Variants in TGIF1 observed in about 807,000 individuals in gnomAD.
The protein encoded by TGIF1 is homeobox protein TGIF1.
Under a neutral mutation model 19.3 loss-of-function variants are expected in TGIF1, and 4 were observed. That is an observed-to-expected ratio of 0.21 (90% CI 0.10 to 0.47). The LOEUF is 0.47. Ranked by LOEUF, TGIF1 falls within the 20% of genes least tolerant of loss-of-function variation. The probability of loss-of-function intolerance (pLI) is 0.98; values close to 1 mark genes in which losing one functional copy is unlikely to be tolerated. For missense variants in TGIF1, 275 were observed against 341.4 expected (o/e 0.81, Z 1.53); for synonymous variants, 122 against 129.3 (o/e 0.94, Z 0.38).
chr18:3,453,009 G>A (rs1242188034), intron 1 of TGIF1, among the ~76,000 whole-genome samples: 3 of 152,146 alleles, frequency 2.0e-5, no homozygotes, highest in African/African-American at 7.2e-5. Flanking sequence ...TTCCTGCTTT[G>A]GGATTGCTCT....
chr18:3,450,059 C>A, upstream of TGIF1: 1 of 1,010,800 alleles, frequency 9.9e-7, no homozygotes, highest in Non-Finnish European at 1.2e-6. Context: ...GTCCAGTCTT[C>A]CCGGCTGGAA....
At position 3,422,673 on chromosome 18, in the gene TGIF1, C is replaced by CTTTTTTGTTTTTTGTTTTTTTT. The variant is rs1481496826; in HGVS notation, c.-45+4464_-45+4465insGTTTTTTGTTTTTTTTTTTTTT. On this transcript the variant is annotated intron_variant, in intron 2 of 3. Coordinates refer to the TGIF1 transcript ENST00000401449. ...ATGTTAAGTGCCCTATATAGGTGGCCTTTTTTTTTTTTTTTTTTTTTTTTT... is the reference window on the plus strand; with the variant it reads ...ATGTTAAGTGCCCTATATAGGTGGCCTTTTTTGTTTTTTGTTTTTTTTTTTTTTTTTTTTTTTTTTTTTTTTT... Among the ~76,000 whole-genome samples the CTTTTTTGTTTTTTGTTTTTTTT allele has an allele frequency of 8.1e-5, 2 of 24,672 alleles. 1 individual carries two copies. The highest frequency in any genetic ancestry group is 1.5e-4 in the African/African-American group (2 of 13,760). 16.2% of individuals were successfully genotyped at this position (24,672 alleles called of 152,430 possible). A position where few individuals can be genotyped will look rare whatever the true frequency, so the allele number is the denominator to read the frequency against.
intron 2 of TGIF1, among the ~76,000 whole-genome samples, chr18:3,428,712 G>A (rs1254693421): frequency 2.0e-5 from 3 of 151,918 alleles, no homozygotes; most frequent in African/African-American, 7.3e-5. Flanking sequence ...ACTCCAGTTT[G>A]GGCGACAGAG....
chr18:3,456,180 C>A lies in TGIF1; in HGVS notation c.17-174C>A. 1.3e-6 allele frequency: 1 copy of A among 742,860 alleles called. No individual in the cohort carries two copies. Among genetic ancestry groups the A allele is most frequent in the Non-Finnish European group, 2.4e-6 (1 of 412,900 alleles). The allele number at this position is 742,860 out of a possible 1,614,324, so 46.0% of individuals were successfully genotyped here. A position where few individuals can be genotyped will look rare whatever the true frequency, so the allele number is the denominator to read the frequency against. The stretch of plus-strand genomic sequence containing the variant: ...TTGGTTGAGAGCCTCCTATGTGGTG[C>A]TAGTCAAACTACTTTTACTTGGACC... On this transcript the variant is annotated intron_variant, in intron 1 of 2. Transcript: ENST00000343820. The surrounding 1 kb of genome is among the most constrained non-coding windows in gnomAD (Gnocchi z 4.2).
chr18:3,424,720 A>G (rs1261548247), intron 2 of TGIF1, among the ~76,000 whole-genome samples: 1 of 152,164 alleles, frequency 6.6e-6, no homozygotes, highest in Admixed American at 6.5e-5. Context: ...ACCAATGGCC[A>G]ATGATGTAAT....
intron 1 of TGIF1, chr18:3,452,123 G>A (rs763724267): frequency 1.2e-6 from 2 of 1,613,562 alleles, no homozygotes; most frequent in Non-Finnish European, 1.7e-6. Flanking sequence ...CTTTTCTGGC[G>A]TCCCCCCGAC....
rs182360931 is a variant in TGIF1 at position 3,458,870 on chromosome 18, T to C, written c.*930T>C. 3.9e-5 allele frequency: 6 copies of C among 152,364 alleles called. No individual in the cohort carries two copies. The highest frequency in any genetic ancestry group is 8.8e-5 in the Non-Finnish European group (6 of 68,030). The allele number at this position is 152,364 out of a possible 1,614,324, so 9.4% of individuals were successfully genotyped here. A position where few individuals can be genotyped will look rare whatever the true frequency, so the allele number is the denominator to read the frequency against. The stretch of plus-strand genomic sequence containing the variant: ...TAGTTAAGGCATTTGTATTCAAATG[T>C]AGCATAGTATTTGCAGAGAAATTAC... On this transcript the variant is annotated 3_prime_UTR_variant, in exon 3 of 3. Coordinates refer to ENST00000343820, the MANE Select transcript of TGIF1 (RefSeq NM_003244.4).
rs943982292 is a variant in TGIF1, at chr18:3,458,903, A to G, written c.*963A>G. On this transcript the variant is annotated 3_prime_UTR_variant, in exon 3 of 3. Coordinates refer to ENST00000343820, the MANE Select transcript of TGIF1 (RefSeq NM_003244.4). ...TATTTGCAGAGAAATTACCTTTTAAAACATCTCAAAAGTGTTTTCTAAAAT... is the reference window on the plus strand; with the variant it reads ...TATTTGCAGAGAAATTACCTTTTAAGACATCTCAAAAGTGTTTTCTAAAAT... 4.6e-5 allele frequency: 7 copies of G among 152,220 alleles called. No individual in the cohort carries two copies. Among genetic ancestry groups the G allele is most frequent in the African/African-American group, 1.7e-4 (7 of 41,450 alleles). 9.4% of individuals were successfully genotyped at this position (152,220 alleles called of 1,614,324 possible).
intron 2 of TGIF1, among the ~76,000 whole-genome samples, chr18:3,426,495 C>T (rs1000301642): frequency 5.9e-5 from 9 of 152,194 alleles, no homozygotes; most frequent in African/African-American, 2.2e-4. Context: ...ATTCAGTCAA[C>T]CCATAGACTG....
chr18:3,422,218 G>A (rs1456495938), intron 2 of TGIF1, among the ~76,000 whole-genome samples: 1 of 137,794 alleles, frequency 7.3e-6, no homozygotes, highest in Non-Finnish European at 1.5e-5. Context: ...AGACAGTGAT[G>A]TTGATGATCC....
Position 3,451,725 on chromosome 18 carries a change from A to G in TGIF1, c.16+1220A>G. ...CTTCCCTCTGCCTCCAGGCTTTCCC[A>G]GCGAGAGTGAAATTAAACTTGAAAC... On this transcript the variant is annotated intron_variant, in intron 1 of 2. Coordinates refer to ENST00000343820, the MANE Select transcript of TGIF1 (RefSeq NM_003244.4). The surrounding 1 kb of genome is among the most constrained non-coding windows in gnomAD (Gnocchi z 5.4). 2 of 1,238,824 alleles carry G rather than the reference A, an allele frequency of 1.6e-6. No individual in the cohort carries two copies. The highest frequency in any genetic ancestry group is 1.0e-6 in the Non-Finnish European group (1 of 991,768). The allele number at this position is 1,238,824 out of a possible 1,614,324, so 76.7% of individuals were successfully genotyped here. A position where few individuals can be genotyped will look rare whatever the true frequency, so the allele number is the denominator to read the frequency against.
rs2082919241 is a variant in TGIF1, at chr18:3,451,350, G to T, written c.16+845G>T. The T allele has an allele frequency of 1.0e-6, 1 of 985,120 alleles. No individual in the cohort carries two copies. Among genetic ancestry groups the T allele is most frequent in the Non-Finnish European group, 1.2e-6 (1 of 829,900 alleles). 61.0% of individuals were successfully genotyped at this position (985,120 alleles called of 1,614,324 possible). A position where few individuals can be genotyped will look rare whatever the true frequency, so the allele number is the denominator to read the frequency against. On this transcript the variant is annotated intron_variant, in intron 1 of 2. Transcript: ENST00000343820. The surrounding 1 kb of genome is among the most constrained non-coding windows in gnomAD (Gnocchi z 5.4). ...TTAAAAACAAAATACACCGGAGGGG[G>T]ACGGGGGGTGGAGAAACCACACAAA...
intron 2 of TGIF1, among the ~76,000 whole-genome samples, chr18:3,428,876 T>C (rs1046953496): frequency 6.6e-6 from 1 of 151,984 alleles, no homozygotes; most frequent in African/African-American, 2.4e-5. Context: ...ACCCTGTCTC[T>C]ACTAAAATAC....
At chr18:3,426,412 G>A (rs889018323) in intron 2 of TGIF1, among the ~76,000 whole-genome samples, 10 of 151,856 alleles carry the variant, frequency 6.6e-5, no homozygotes, top group Middle Eastern at 3.2e-3. Context: ...CCAGCGATCC[G>A]CCTGCCTCTG....
intron 2 of TGIF1, among the ~76,000 whole-genome samples, chr18:3,431,626 A>C (rs995255528): frequency 5.9e-5 from 9 of 152,286 alleles, no homozygotes; most frequent in African/African-American, 2.2e-4. Context: ...ATAAATGTAG[A>C]AGAAACGATG....
At chr18:3,431,853 G>A (rs959457606) in intron 2 of TGIF1, among the ~76,000 whole-genome samples, 24 of 152,166 alleles carry the variant, frequency 1.6e-4, no homozygotes, top group African/African-American at 5.8e-4. Context: ...ACTAAGGGCC[G>A]GGTGCTGTGG....
rs535096578 is a variant in TGIF1, at chr18:3,440,024, G to GA, written c.-44-16316dup. ...CAACAGAGGAAGACCCTGTCTCAAAGAAAAAAAAAAAAAAGTACTGATTTA... is the reference window on the plus strand; with the variant it reads ...CAACAGAGGAAGACCCTGTCTCAAAGAAAAAAAAAAAAAAAGTACTGATTTA... On this transcript the variant is annotated intron_variant, in intron 2 of 3. Transcript: ENST00000401449. Among the ~76,000 whole-genome samples the GA allele has an allele frequency of 8.8e-3, 1,072 of 121,674 alleles. 10 individuals are homozygous for GA. The highest frequency in any genetic ancestry group is 0.022 in the African/African-American group (726 of 33,174). 79.8% of individuals were successfully genotyped at this position (121,674 alleles called of 152,430 possible).
chr18:3,450,281 C>T lies in TGIF1; in HGVS notation c.-209C>T, dbSNP rs1005832724. ...CCCCCGGCCGGCTGCCAGAAGATCC[C>T]GGCGGGAGGAAGCCCAAGTGTCACT... On this transcript the variant is annotated 5_prime_UTR_variant, in exon 1 of 3. Coordinates refer to ENST00000343820, the MANE Select transcript of TGIF1 (RefSeq NM_003244.4). 34 of 1,436,786 alleles carry T rather than the reference C, an allele frequency of 2.4e-5. No individual in the cohort carries two copies. Among genetic ancestry groups the T allele is most frequent in the Non-Finnish European group, 2.9e-5 (32 of 1,097,980 alleles). The allele number at this position is 1,436,786 out of a possible 1,614,324, so 89.0% of individuals were successfully genotyped here.
At chr18:3,430,991 C>T (rs2082539947) in intron 2 of TGIF1, among the ~76,000 whole-genome samples, 1 of 151,922 alleles carries the variant, frequency 6.6e-6, no homozygotes, top group African/African-American at 2.4e-5. Context: ...TGACCGATTC[C>T]AGGGCTGGGG....
Sources: allele counts gnomAD v4.1 joint callset (sites outside exome capture counted in the v4.1 genomes callset), GRCh38; gene constraint gnomAD v4.1.1; non-coding constraint Gnocchi (gnomAD v3.1); transcripts MANE v1.5; gene names NCBI Gene and HGNC (gene_info 2026-07-23, HGNC 2026-07-21).